Variants in ARID2 observed in about 807,000 individuals in gnomAD.
ARID2 encodes AT-rich interactive domain-containing protein 2.
In ARID2, 32 loss-of-function variants were observed where a neutral mutation model predicts 184.6. That is an observed-to-expected ratio of 0.17 (90% confidence interval 0.13 to 0.23). The LOEUF (loss-of-function observed/expected upper bound fraction) is 0.23, where lower values mean the gene tolerates loss of function less well. Among genes scored for constraint, ARID2 ranks in the 10% least tolerant of loss-of-function variants. The pLI is 1.00. For missense variants in ARID2, 1,696 were observed against 2,197.6 expected (o/e 0.77, Z 4.56); for synonymous variants, 836 against 772.6 (o/e 1.08, Z -1.36).
rs148136996 is a variant in ARID2 at position 45,823,492 on chromosome 12, A to G, written c.705+2005A>G. On this transcript the variant is annotated intron_variant, in intron 6 of 20. Coordinates refer to ENST00000334344, the MANE Select transcript of ARID2 (RefSeq NM_152641.4). ...GAAATGGAGACGAAAAAGACAAAGGATCAACAAAACAAAAAGTTGTTTTTT... is the reference window on the plus strand; with the variant it reads ...GAAATGGAGACGAAAAAGACAAAGGGTCAACAAAACAAAAAGTTGTTTTTT... Among the ~76,000 whole-genome samples the G allele has an allele frequency of 2.7e-3, 409 of 152,226 alleles. 3 individuals carry two copies. The highest frequency in any genetic ancestry group is 9.0e-3 in the African/African-American group (373 of 41,554).
intron 11 of ARID2, 101 bp downstream of exon 11, chr12:45,839,597 C>T (rs1943300801): frequency 4.3e-6 from 6 of 1,387,672 alleles, no homozygotes; most frequent in East Asian, 4.7e-5. Context: ...TGATATTTTA[C>T]AGTATAGTAG....
chr12:45,890,623 G>A (rs1944285966), intron 16 of ARID2, among the ~76,000 whole-genome samples: 1 of 151,872 alleles, frequency 6.6e-6, no homozygotes, highest in Admixed American at 6.6e-5. Flanking sequence ...TACTTTTGTA[G>A]GTATTTATAT....
Position 45,817,613 on chromosome 12 carries a change from T to C in ARID2, c.419-57T>C, listed in dbSNP as rs17774927. ...AGCTGTGTTCTGTATTCAAGGGATA[T>C]TCACCATAAAGGTATCTGATCTTTG... On this transcript the variant is annotated intron_variant, in intron 4 of 20. Coordinates refer to ENST00000334344, the MANE Select transcript of ARID2 (RefSeq NM_152641.4). The C allele has an allele frequency of 0.18, 202,241 of 1,103,860 alleles. 20,253 individuals are homozygous for C. Among genetic ancestry groups the C allele is most frequent in the Non-Finnish European group, 0.21 (163,353 of 778,808 alleles). The allele number at this position is 1,103,860 out of a possible 1,614,324, so 68.4% of individuals were successfully genotyped here. A position where few individuals can be genotyped will look rare whatever the true frequency, so the allele number is the denominator to read the frequency against.
At chr12:45,896,109 G>C (rs185926503) in intron 20 of ARID2, among the ~76,000 whole-genome samples, 1 of 152,308 alleles carries the variant, frequency 6.6e-6, no homozygotes, top group African/African-American at 2.4e-5. Flanking sequence ...TGAGTGACAC[G>C]AGGTGAGGGT....
intron 3 of ARID2, among the ~76,000 whole-genome samples, chr12:45,802,266 A>G (rs935420950): frequency 6.6e-6 from 1 of 151,916 alleles, no homozygotes; most frequent in Non-Finnish European, 1.5e-5. Flanking sequence ...GAGTCTCACT[A>G]TGGTTGCCCA....
At chr12:45,779,993 C>T (rs966120212) in intron 3 of ARID2, among the ~76,000 whole-genome samples, 34 of 152,156 alleles carry the variant, frequency 2.2e-4, no homozygotes, top group African/African-American at 7.7e-4. Context: ...GTTTCCTTAT[C>T]TATTAAATAA....
chr12:45,903,015 ATATCAG>A (rs1355239090), intron 20 of ARID2, among the ~76,000 whole-genome samples: 2 of 152,196 alleles, frequency 1.3e-5, no homozygotes, highest in African/African-American at 2.4e-5. Flanking sequence ...AAATAGAGCA[ATATCAG>A]TTGAAATCTT....
chr12:45,791,113 A>G (rs1037962010), intron 3 of ARID2, among the ~76,000 whole-genome samples: 3 of 152,134 alleles, frequency 2.0e-5, no homozygotes, highest in East Asian at 3.8e-4. Context: ...AGGAACTGCC[A>G]TGCTGTTTCC....
At chr12:45,888,450 G>A (rs986856739) in intron 16 of ARID2, among the ~76,000 whole-genome samples, 1 of 152,166 alleles carries the variant, frequency 6.6e-6, no homozygotes, top group Non-Finnish European at 1.5e-5. Flanking sequence ...GCTAATGGAG[G>A]CCACTAACTT....
chr12:45,848,605 G>A (rs900410147), intron 12 of ARID2, among the ~76,000 whole-genome samples: 1 of 152,026 alleles, frequency 6.6e-6, no homozygotes, highest in African/African-American at 2.4e-5. Context: ...TGTGAACATA[G>A]TTTTTATATT....
At chr12:45,846,735 G>A in intron 11 of ARID2, 121 bp from the exon 12 acceptor site, 1 of 791,494 alleles carries the variant, frequency 1.3e-6, no homozygotes, top group Non-Finnish European at 2.0e-6. Flanking sequence ...ACTTTCATAT[G>A]TTTATACACC....
chr12:45,786,370 C>T (rs148974129), intron 3 of ARID2, among the ~76,000 whole-genome samples: 1 of 152,154 alleles, frequency 6.6e-6, no homozygotes, highest in Non-Finnish European at 1.5e-5. Flanking sequence ...CACATTCTGA[C>T]ATAATATGAC....
At chr12:45,766,756 C>T (rs944750723) in intron 3 of ARID2, among the ~76,000 whole-genome samples, 2 of 152,072 alleles carry the variant, frequency 1.3e-5, no homozygotes, top group African/African-American at 2.4e-5. Flanking sequence ...CCTTGTGATC[C>T]GCCCACCTCG....
intron 2 of ARID2, 57 bp from the exon 3 acceptor site, chr12:45,731,160 A>G: frequency 8.1e-7 from 1 of 1,233,250 alleles, no homozygotes; most frequent in Non-Finnish European, 1.2e-6. Flanking sequence ...TTTCATAGTT[A>G]GGTTAAGATT....
chr12:45,844,932 G>A (rs1361837570), intron 11 of ARID2, among the ~76,000 whole-genome samples: 2 of 152,142 alleles, frequency 1.3e-5, no homozygotes, highest in African/African-American at 4.8e-5. Context: ...CAAAGAGGAG[G>A]TGATATTCTC....
At chr12:45,756,583 A>G (rs936480481) in intron 3 of ARID2, among the ~76,000 whole-genome samples, 2 of 152,264 alleles carry the variant, frequency 1.3e-5, no homozygotes, top group African/African-American at 4.8e-5. Context: ...GATATTCTCA[A>G]ATGATGAAAA....
intron 6 of ARID2, among the ~76,000 whole-genome samples, chr12:45,822,094 T>C (rs1942909049): frequency 6.6e-6 from 1 of 152,212 alleles, no homozygotes. Flanking sequence ...TAGAACATTA[T>C]TGTTTAAACA....
At chr12:45,848,100 TAC>T (rs1323943586) in intron 12 of ARID2, among the ~76,000 whole-genome samples, 1 of 151,998 alleles carries the variant, frequency 6.6e-6, no homozygotes, top group African/African-American at 2.4e-5. Flanking sequence ...AGAATCATTT[TAC>T]AGTTTTTTTT....
chr12:45,866,978 T>C (rs757613283), intron 16 of ARID2, among the ~76,000 whole-genome samples: 1 of 151,726 alleles, frequency 6.6e-6, no homozygotes, highest in Non-Finnish European at 1.5e-5. Context: ...GGAGATGGAG[T>C]CTTACTTCAT....
Sources: gnomAD v4.1 joint callset for allele counts (sites outside exome capture counted in the v4.1 genomes callset) on GRCh38, gnomAD v4.1.1 for gene constraint, MANE v1.5 for transcripts, NCBI Gene and HGNC (gene_info 2026-07-23, HGNC 2026-07-21) for gene names.